Variants in ANXA4 observed in about 807,000 individuals in gnomAD.
The protein encoded by ANXA4 is 35-beta calcimedin.
In ANXA4, 39 loss-of-function variants were observed where a neutral mutation model predicts 49.8. That is an observed-to-expected ratio of 0.78 (90% CI 0.61 to 1.02). The LOEUF is 1.02. Among genes scored for constraint, ANXA4 ranks in the 50% least tolerant of loss-of-function variants. The pLI, the probability that ANXA4 is intolerant of heterozygous loss-of-function variation, is 0.00. For missense variants in ANXA4, 360 were observed against 410.1 expected, an observed-to-expected ratio of 0.88 and a Z score of 1.05; for synonymous variants, 134 against 152.5, an observed-to-expected ratio of 0.88 and a Z score of 0.89.
chr2:69,710,557 T>C (rs1678644794), intron 2 of ANXA4, among the ~76,000 whole-genome samples: 1 of 152,198 alleles, frequency 6.6e-6, no homozygotes, highest in Non-Finnish European at 1.5e-5. Context: ...AAAATATATA[T>C]CTGATACAGG....
chr2:69,646,914 A>G (rs975278023), intron 1 of ANXA4, among the ~76,000 whole-genome samples: 2 of 152,192 alleles, frequency 1.3e-5, no homozygotes, highest in African/African-American at 4.8e-5. Flanking sequence ...CTAGTAAGAG[A>G]CTACCAACCA....
At chr2:69,783,632 C>T (rs989927456) in intron 2 of ANXA4, among the ~76,000 whole-genome samples, 6 of 152,160 alleles carry the variant, frequency 3.9e-5, no homozygotes, top group Non-Finnish European at 8.8e-5. Flanking sequence ...AAATGCACAT[C>T]CTTTAAGGTT....
intron 1 of ANXA4, among the ~76,000 whole-genome samples, chr2:69,753,557 C>T (rs961422473): frequency 6.6e-6 from 1 of 152,190 alleles, no homozygotes; most frequent in African/African-American, 2.4e-5. Context: ...ACATCATGTC[C>T]TGACAACATC....
At chr2:69,647,294 A>T (rs749910446) in intron 1 of ANXA4, among the ~76,000 whole-genome samples, 10 of 152,148 alleles carry the variant, frequency 6.6e-5, no homozygotes, top group Non-Finnish European at 1.5e-4. Flanking sequence ...AAATTTATAA[A>T]CCTTGGGATT....
In ANXA4 at chr2:69,686,822, C is replaced by T. The variant is rs182633254; in HGVS notation, n.766+33540C>T. Among the ~76,000 whole-genome samples, 4 of 152,314 alleles carry T rather than the reference C, an allele frequency of 2.6e-5. No homozygotes were observed. In the East Asian group the frequency reaches 7.7e-4, roughly 29 times the overall value. Reference sequence around the variant, plus strand: ...AGAAAATTCTTGAACATTTAACTATCAGCTCTTGCAAGTTTGTGCACATGG... The same window carrying T: ...AGAAAATTCTTGAACATTTAACTATTAGCTCTTGCAAGTTTGTGCACATGG... On this transcript the variant is annotated intron_variant and non_coding_transcript_variant, in intron 2 of 3. Transcript: ENST00000418066.
chr2:69,794,058 G>C (rs1398083542), intron 3 of ANXA4, among the ~76,000 whole-genome samples: 1 of 152,132 alleles, frequency 6.6e-6, no homozygotes, highest in African/African-American at 2.4e-5. Context: ...CTTTTACCCA[G>C]TTTGCTCCAC....
At position 69,781,505 on chromosome 2, in the gene ANXA4, C is replaced by T; in HGVS notation, c.-46-15C>T. 6.2e-7 allele frequency: 1 copy of T among 1,602,982 alleles called. No homozygotes were observed. The highest frequency in any genetic ancestry group is 8.5e-7 in the Non-Finnish European group (1 of 1,170,318). On this transcript the variant is annotated splice_polypyrimidine_tract_variant and intron_variant, in intron 1 of 12. Coordinates refer to ENST00000394295, the MANE Select transcript of ANXA4 (RefSeq NM_001153.5). ...TTCCTTCATCACAGTAATTTCCCCT[C>T]TGCTTTTATCACAGAAGAACTTCTG...
At chr2:69,799,202 C>G (rs1673081847) in intron 3 of ANXA4, among the ~76,000 whole-genome samples, 1 of 152,134 alleles carries the variant, frequency 6.6e-6, no homozygotes, top group African/African-American at 2.4e-5. Flanking sequence ...CTTTGTCTTG[C>G]TTATCTGGGA....
intron 9 of ANXA4, chr2:69,817,740 ACC>A (rs1309386923): frequency 6.6e-6 from 1 of 151,938 alleles, no homozygotes; most frequent in Non-Finnish European, 1.5e-5. Context: ...CTAAATATTG[ACC>A]CCCTACTTCA....
intron 1 of ANXA4, among the ~76,000 whole-genome samples, chr2:69,758,383 G>A (rs553630912): frequency 9.2e-5 from 14 of 152,374 alleles, no homozygotes; most frequent in Non-Finnish European, 1.9e-4. Context: ...TTGGGAGGCT[G>A]AGGCAGGAAG....
At chr2:69,809,493 T>C (rs1221212625) in intron 6 of ANXA4, 6 of 152,186 alleles carry the variant, frequency 3.9e-5, no homozygotes, top group Non-Finnish European at 7.3e-5. Flanking sequence ...CCTATTTTTT[T>C]TGACACAGGA....
intron 1 of ANXA4, among the ~76,000 whole-genome samples, chr2:69,649,603 C>CTTTTTTTTTTTTTTTTTTTTTTTTTTTT (rs766975640): frequency 1.4e-5 from 1 of 70,670 alleles, no homozygotes; most frequent in African/African-American, 6.3e-5. Context: ...GATTTTCTTT[C>CTTTTTTTTTTTTTTTTTTTTTTTTTTTT]TTTTTTTTTT....
chr2:69,800,998 G>T (rs954619517), intron 3 of ANXA4, among the ~76,000 whole-genome samples: 60 of 152,044 alleles, frequency 3.9e-4, no homozygotes, highest in African/African-American at 1.4e-3. Context: ...CTGGGGGTTG[G>T]GGGGCTGATG....
chr2:69,741,545 CTT>C (rs1430745345), upstream of ANXA4, among the ~76,000 whole-genome samples: 1 of 152,248 alleles, frequency 6.6e-6, no homozygotes. Context: ...GTGCTGGAAA[CTT>C]TTGGGAATGT....
intron 2 of ANXA4, among the ~76,000 whole-genome samples, chr2:69,717,186 T>C (rs574663604): frequency 3.3e-5 from 5 of 152,342 alleles, no homozygotes; most frequent in Admixed American, 3.3e-4. Context: ...TCATGCCCAC[T>C]GAATAGGAAC....
chr2:69,807,867 ACTGG>A (rs1466995972), intron 5 of ANXA4, 35 bp from the exon 6 acceptor site: 4 of 1,571,172 alleles, frequency 2.5e-6, no homozygotes, highest in Non-Finnish European at 3.5e-6. Context: ...AGCTTTGTAA[ACTGG>A]CTCATATAGC....
At chr2:69,657,330 A>G (rs1045453081) in intron 2 of ANXA4, among the ~76,000 whole-genome samples, 3 of 152,122 alleles carry the variant, frequency 2.0e-5, no homozygotes, top group Non-Finnish European at 4.4e-5. Context: ...ACTCGCTCAT[A>G]TATTTTAAAG....
At chr2:69,659,672 G>A (rs183082462) in intron 2 of ANXA4, among the ~76,000 whole-genome samples, 1 of 152,328 alleles carries the variant, frequency 6.6e-6, no homozygotes, top group Non-Finnish European at 1.5e-5. Context: ...TGTAATCCTA[G>A]CTCTTTGGGA....
intron 10 of ANXA4, 65 bp downstream of exon 10, chr2:69,818,759 A>G (rs1211275659): frequency 1.0e-6 from 1 of 988,120 alleles, no homozygotes; most frequent in African/African-American, 1.6e-5. Context: ...ATCAGTTTGC[A>G]ATATGGGGAT....
Sources: allele counts gnomAD v4.1 joint callset (sites outside exome capture counted in the v4.1 genomes callset), GRCh38; gene constraint gnomAD v4.1.1; transcripts MANE v1.5; gene names NCBI Gene and HGNC (gene_info 2026-07-23, HGNC 2026-07-21).